The following PHACTR1 variants were observed in gnomAD, a reference collection of about 807,000 sequenced individuals.
PHACTR1 encodes RPEL repeat containing 1.
Under a neutral mutation model 69.2 loss-of-function variants are expected in PHACTR1, and 16 were observed. The ratio of observed to expected loss-of-function variants is 0.23; its 90% CI spans 0.16 to 0.35. The LOEUF is 0.35. PHACTR1 is among the 10% of genes least tolerant of loss of function. PHACTR1 has a pLI of 1.00. For missense variants in PHACTR1, 510 were observed against 734.7 expected, an observed-to-expected ratio of 0.69 and a Z score of 3.54; for synonymous variants, 312 against 284.5, an observed-to-expected ratio of 1.10 and a Z score of -0.97.
intron 14 of PHACTR1, among the ~76,000 whole-genome samples, chr6:13,286,829 C>G (rs1041689683): frequency 6.6e-6 from 1 of 152,228 alleles, no homozygotes; most frequent in Non-Finnish European, 1.5e-5. Flanking sequence ...AGATTGGGTT[C>G]TGCACCTTGC....
At chr6:13,232,471 A>T (rs1412683350) in intron 10 of PHACTR1, among the ~76,000 whole-genome samples, 1 of 152,222 alleles carries the variant, frequency 6.6e-6, no homozygotes, top group Non-Finnish European at 1.5e-5. Flanking sequence ...ACACATACAT[A>T]CTTTCTGTCA....
intron 4 of PHACTR1, among the ~76,000 whole-genome samples, chr6:12,784,894 A>T (rs1486228594): frequency 6.6e-6 from 1 of 151,768 alleles, no homozygotes; most frequent in Non-Finnish European, 1.5e-5. Flanking sequence ...TTTTTAGTAG[A>T]GATGGGGTTT....
intron 5 of PHACTR1, among the ~76,000 whole-genome samples, chr6:13,146,432 T>C (rs1330368372): frequency 2.0e-5 from 3 of 152,232 alleles, no homozygotes; most frequent in Non-Finnish European, 4.4e-5. Flanking sequence ...ACCCTCAATC[T>C]AACACTGCTG....
chr6:13,125,794 GTGGTGCACACCTATAGT>G (rs1447036118), intron 5 of PHACTR1, among the ~76,000 whole-genome samples: 2 of 152,020 alleles, frequency 1.3e-5, no homozygotes, highest in East Asian at 3.9e-4. Flanking sequence ...GCCAGACTTG[GTGGTGCACACCTATAGT>G]CCCAGCTACT....
At chr6:13,064,638 A>G (rs1808335422) in intron 5 of PHACTR1, among the ~76,000 whole-genome samples, 1 of 113,764 alleles carries the variant, frequency 8.8e-6, no homozygotes, top group African/African-American at 3.4e-5. Flanking sequence ...TTGCCAGACT[A>G]TGGAGGATTC....
intron 3 of PHACTR1, among the ~76,000 whole-genome samples, chr6:12,735,232 C>T (rs548561465): frequency 1.2e-4 from 19 of 152,164 alleles, no homozygotes; most frequent in Admixed American, 5.2e-4. Flanking sequence ...GTCTCCATCA[C>T]GTTGCAACTG....
At chr6:12,937,391 C>T (rs1789576129) in intron 4 of PHACTR1, among the ~76,000 whole-genome samples, 2 of 151,866 alleles carry the variant, frequency 1.3e-5, no homozygotes, top group East Asian at 3.9e-4. Context: ...CTTTTGTTGC[C>T]CAGCTGGAGT....
At chr6:12,750,409 T>A (rs1766458863) in intron 4 of PHACTR1, among the ~76,000 whole-genome samples, 1 of 150,664 alleles carries the variant, frequency 6.6e-6, no homozygotes, top group South Asian at 2.1e-4. Flanking sequence ...GTGAAAAGGG[T>A]AACTGAGGTA....
intron 5 of PHACTR1, among the ~76,000 whole-genome samples, chr6:13,084,366 A>C (rs1318541228): frequency 3.0e-5 from 3 of 100,490 alleles, no homozygotes; most frequent in South Asian, 3.9e-4. Context: ...CACACCGGGG[A>C]CTGTTGTGGG....
At chr6:13,056,958 C>T (rs898968504) in intron 5 of PHACTR1, among the ~76,000 whole-genome samples, 1 of 152,102 alleles carries the variant, frequency 6.6e-6, no homozygotes, top group Non-Finnish European at 1.5e-5. Flanking sequence ...GAAAGAAGAA[C>T]ATGGAAGGCC....
chr6:12,949,201 C>T (rs999225210), intron 4 of PHACTR1, among the ~76,000 whole-genome samples: 7 of 142,550 alleles, frequency 4.9e-5, no homozygotes, highest in Admixed American at 1.5e-4. Flanking sequence ...ACCCAGGAGG[C>T]GGAGATTGTG....
At chr6:13,101,212 T>G (rs954768354) in intron 5 of PHACTR1, among the ~76,000 whole-genome samples, 1 of 152,218 alleles carries the variant, frequency 6.6e-6, no homozygotes, top group Non-Finnish European at 1.5e-5. Flanking sequence ...TGTCAGCCCA[T>G]GATGAAAGGC....
chr6:13,050,256 G>C (rs1369948555), intron 4 of PHACTR1, among the ~76,000 whole-genome samples: 1 of 152,104 alleles, frequency 6.6e-6, no homozygotes, highest in South Asian at 2.1e-4. Context: ...ATTCCTTGTC[G>C]TAGCTGTGTT....
rs145387224 is a variant in PHACTR1, at chr6:13,171,334, C to T, written c.496+11050C>T. 6.2e-3 allele frequency among the ~76,000 whole-genome samples: 947 copies of T among 152,296 alleles called. 4 individuals carry two copies. Among genetic ancestry groups the T allele is most frequent in the Middle Eastern group, 0.041 (12 of 294 alleles). ...CCCCCATCCCAGCACTCCAGGTTTCCCACAACTGCAGTTTCTCTAATAGGA... is the reference window on the plus strand; with the variant it reads ...CCCCCATCCCAGCACTCCAGGTTTCTCACAACTGCAGTTTCTCTAATAGGA... On this transcript the variant is annotated intron_variant, in intron 6 of 14. Transcript: ENST00000332995.
chr6:12,920,772 G>A (rs1408865481), intron 4 of PHACTR1, among the ~76,000 whole-genome samples: 2 of 152,210 alleles, frequency 1.3e-5, no homozygotes, highest in African/African-American at 2.4e-5. Context: ...GTAGCTGTAA[G>A]AAGGTGTACA....
At position 12,732,032 on chromosome 6, in the gene PHACTR1, C is replaced by T. The variant is rs572834866; in HGVS notation, c.103+13185C>T. Among the ~76,000 whole-genome samples the T allele has an allele frequency of 3.3e-4, 50 of 151,374 alleles. 1 individual carries two copies. The South Asian group carries it at 0.01, about 32-fold the overall frequency. On this transcript the variant is annotated intron_variant, in intron 3 of 14. Coordinates refer to ENST00000332995, the MANE Select transcript of PHACTR1 (RefSeq NM_030948.6). ...AAAATGGAATGATGGGGCCTCTGAC[C>T]CTTATACTGAGTTGCAGAATATGTG...
chr6:13,149,810 G>T (rs2113437014), intron 5 of PHACTR1, among the ~76,000 whole-genome samples: 1 of 148,418 alleles, frequency 6.7e-6, no homozygotes, highest in South Asian at 2.2e-4. Flanking sequence ...TTCTTAAAAA[G>T]TTACGAGATT....
At chr6:12,941,907 C>G (rs1790099920) in intron 4 of PHACTR1, among the ~76,000 whole-genome samples, 1 of 152,210 alleles carries the variant, frequency 6.6e-6, no homozygotes, top group African/African-American at 2.4e-5. Flanking sequence ...CCTGAATTAA[C>G]TAAAATGCAT....
intron 4 of PHACTR1, among the ~76,000 whole-genome samples, chr6:12,788,603 TA>T (rs1771843405): frequency 6.6e-6 from 1 of 152,246 alleles, no homozygotes; most frequent in South Asian, 2.1e-4. Flanking sequence ...CCTATCAAAA[TA>T]TTAATAAAGT....
Sources: gnomAD v4.1 joint callset for allele counts (sites outside exome capture counted in the v4.1 genomes callset) on GRCh38, gnomAD v4.1.1 for gene constraint, MANE v1.5 for transcripts, NCBI Gene and HGNC (gene_info 2026-07-23, HGNC 2026-07-21) for gene names.